TULP4: variants seen among roughly 807,000 people sequenced by gnomAD.
TULP4 encodes tubby-related protein 4.
A neutral mutation model predicts 129.0 loss-of-function variants in TULP4; 16 were observed. The ratio of observed to expected loss-of-function variants is 0.12; its 90% CI spans 0.08 to 0.19. The LOEUF is 0.19. TULP4 is among the 10% of genes least tolerant of loss of function. The pLI is 1.00. For synonymous variants in TULP4, 998 were observed against 854.0 expected (o/e 1.17, Z -2.94); for missense variants, 1,842 against 2,059.1 (o/e 0.89, Z 2.04).
chr6:158,361,265 T>C (rs141840499), intron 1 of TULP4, among the ~76,000 whole-genome samples: 3 of 152,242 alleles, frequency 2.0e-5, no homozygotes, highest in Non-Finnish European at 2.9e-5. Flanking sequence ...CAGAGTGATA[T>C]CAGGAGCAGC....
rs1780475267 is a variant in TULP4 at position 158,502,470 on chromosome 6, A to C, written c.2807A>C (p.Gln936Pro). The change falls in exon 13 of 14, where the codon CAG (glutamine) becomes CCG (proline). Residue 936 changes from glutamine (Q) to proline (P), a missense_variant. By Grantham distance (76) the Gln-to-Pro change is moderately conservative (BLOSUM62 -1). This residue lies in a region of TULP4 where 1,089 missense variants were observed against 987.1 expected (regional missense o/e 1.10). Transcript: ENST00000367097. ...RLTATEKKVP[Q>P]PCSSATLNRL... ...ACGGCCACTGAGAAGAAGGTCCCTC[A>C]GCCCTGCAGCAGTGCCACCCTGAAC... The C allele has an allele frequency of 6.2e-7, 1 of 1,613,250 alleles. No homozygotes were observed. The highest frequency in any genetic ancestry group is 8.5e-7 in the Non-Finnish European group (1 of 1,179,854).
At chr6:158,412,813 G>A (rs574931062) in intron 1 of TULP4, among the ~76,000 whole-genome samples, 1 of 152,200 alleles carries the variant, frequency 6.6e-6, no homozygotes, top group East Asian at 1.9e-4. Context: ...GCCCCAGGTC[G>A]CCTCTTTGTT....
At chr6:158,440,274 T>G (rs1778857543) in intron 3 of TULP4, among the ~76,000 whole-genome samples, 1 of 143,464 alleles carries the variant, frequency 7.0e-6, no homozygotes, top group Non-Finnish European at 1.5e-5. Flanking sequence ...GCCATGATTG[T>G]GTCACTGCAC....
At chr6:158,408,959 G>A (rs1778026320) in intron 1 of TULP4, among the ~76,000 whole-genome samples, 1 of 152,222 alleles carries the variant, frequency 6.6e-6, no homozygotes, top group Admixed American at 6.5e-5. Context: ...TGTATTTAGT[G>A]TTCATTCAAA....
At chr6:158,448,482 G>A (rs1169028334) in intron 3 of TULP4, among the ~76,000 whole-genome samples, 2 of 152,010 alleles carry the variant, frequency 1.3e-5, no homozygotes, top group East Asian at 3.8e-4. Flanking sequence ...TTCAACATTG[G>A]AAATAAAACA....
rs566829187 is a variant in TULP4 at position 158,307,350 on chromosome 6, T to A, written n.117-4701T>A. Among the ~76,000 whole-genome samples the A allele has an allele frequency of 1.4e-4, 21 of 152,358 alleles. No homozygotes were observed. The South Asian group carries it at 4.4e-3, about 32-fold the overall frequency. ...TTCAGATAATCATGGATGTTTTTCT[T>A]TGATAACCACACTAAAATTCAACAA... On this transcript the variant is annotated intron_variant and non_coding_transcript_variant, in intron 1 of 1. Transcript: ENST00000432358.
intron 13 of TULP4, among the ~76,000 whole-genome samples, chr6:158,504,547 G>A (rs958976950): frequency 6.7e-6 from 1 of 149,684 alleles, no homozygotes; most frequent in African/African-American, 2.5e-5. Context: ...TAGTAGAGAT[G>A]GGGTTTCACC....
intron 8 of TULP4, among the ~76,000 whole-genome samples, chr6:158,483,526 A>G (rs1779995435): frequency 6.6e-6 from 1 of 152,004 alleles, no homozygotes; most frequent in African/African-American, 2.4e-5. Context: ...ACAGGGTTTT[A>G]CCATGTTGCC....
At chr6:158,496,806 C>G (rs1291730550) in intron 11 of TULP4, among the ~76,000 whole-genome samples, 2 of 152,198 alleles carry the variant, frequency 1.3e-5, no homozygotes, top group East Asian at 3.8e-4. Flanking sequence ...AAAGATCTTA[C>G]AATGAGAGAG....
At chr6:158,359,406 G>A (rs542135117) in intron 1 of TULP4, among the ~76,000 whole-genome samples, 9 of 152,132 alleles carry the variant, frequency 5.9e-5, no homozygotes, top group South Asian at 4.1e-4. Flanking sequence ...TAACTCACAC[G>A]ATCACAAGGT....
At position 158,380,894 on chromosome 6, in the gene TULP4, CAAAAAAAAA is replaced by C. The variant is rs1227720723; in HGVS notation, c.253-32161_253-32153del. ...GGGCGACAGAGCAAGACTCTGTCTCCAAAAAAAAAAAAAAAAAAGAAGAAGAAGAAGAAA... is the reference window on the plus strand; with the variant it reads ...GGGCGACAGAGCAAGACTCTGTCTCCAAAAAAAAAGAAGAAGAAGAAGAAA... On this transcript the variant is annotated intron_variant, in intron 1 of 13. Coordinates refer to ENST00000367097, the MANE Select transcript of TULP4 (RefSeq NM_020245.5). 1.1e-3 allele frequency among the ~76,000 whole-genome samples: 79 copies of C among 72,250 alleles called. 3 individuals carry two copies. Among genetic ancestry groups the C allele is most frequent in the African/African-American group, 4.2e-3 (73 of 17,588 alleles). The allele number at this position is 72,250 out of a possible 152,430, so 47.4% of individuals were successfully genotyped here.
intron 1 of TULP4, among the ~76,000 whole-genome samples, chr6:158,252,495 C>T (rs542463650): frequency 3.3e-5 from 5 of 152,180 alleles, no homozygotes; most frequent in African/African-American, 9.6e-5. Flanking sequence ...CCTGTCTCAG[C>T]CTCCCAAGTG....
upstream of TULP4, among the ~76,000 whole-genome samples, chr6:158,310,916 A>G (rs776281753): frequency 2.0e-5 from 3 of 152,140 alleles, no homozygotes; most frequent in Non-Finnish European, 4.4e-5. Flanking sequence ...TAAAATTAAT[A>G]ATTTTTACTG....
At chr6:158,281,967 G>A (rs1778762190), upstream of TULP4, among the ~76,000 whole-genome samples, 1 of 152,070 alleles carries the variant, frequency 6.6e-6, no homozygotes, top group South Asian at 2.1e-4. Flanking sequence ...TCTATCCTGA[G>A]TCTCTCTTTG....
chr6:158,331,778 TACACAC>T lies in TULP4; in HGVS notation c.252+17516_252+17521del, dbSNP rs111926333. ...ACACGTGTATATATACACGTATATA[TACACAC>T]ACACATACCTACATACACACATTCA... On this transcript the variant is annotated intron_variant, in intron 1 of 13. Coordinates refer to ENST00000367097, the MANE Select transcript of TULP4 (RefSeq NM_020245.5). 4.5e-4 allele frequency among the ~76,000 whole-genome samples: 32 copies of T among 71,526 alleles called. 8 individuals carry two copies. The highest frequency in any genetic ancestry group is 0.016 in the Middle Eastern group (2 of 126). The allele number at this position is 71,526 out of a possible 152,430, so 46.9% of individuals were successfully genotyped here. A position where few individuals can be genotyped will look rare whatever the true frequency, so the allele number is the denominator to read the frequency against.
At chr6:158,492,697 C>T (rs1230483018) in intron 9 of TULP4, among the ~76,000 whole-genome samples, 1 of 152,188 alleles carries the variant, frequency 6.6e-6, no homozygotes, top group Non-Finnish European at 1.5e-5. Flanking sequence ...GGAGCTCAAT[C>T]TGCCATCCTC....
intron 1 of TULP4, among the ~76,000 whole-genome samples, chr6:158,384,943 G>A (rs1481471389): frequency 6.6e-6 from 1 of 152,172 alleles, no homozygotes; most frequent in Non-Finnish European, 1.5e-5. Context: ...CTTCCCAGAG[G>A]TAGCTTTAGA....
intron 1 of TULP4, among the ~76,000 whole-genome samples, chr6:158,409,865 T>C (rs564496466): frequency 5.6e-4 from 85 of 152,184 alleles, no homozygotes; most frequent in Non-Finnish European, 1.1e-3. Flanking sequence ...AGAATCTTTT[T>C]TTTTTTTAGA....
At chr6:158,450,231 A>G (rs1022547440) in intron 4 of TULP4, among the ~76,000 whole-genome samples, 1 of 152,178 alleles carries the variant, frequency 6.6e-6, no homozygotes, top group East Asian at 1.9e-4. Flanking sequence ...CTGTGCTTAC[A>G]CTGCTGTGTG....
Sources: allele counts gnomAD v4.1 joint callset (sites outside exome capture counted in the v4.1 genomes callset), GRCh38; gene constraint gnomAD v4.1.1; regional missense constraint gnomAD v4.1.1; transcripts MANE v1.5; gene names NCBI Gene and HGNC (gene_info 2026-07-23, HGNC 2026-07-21).